Variants in NEDD4L observed in about 807,000 individuals in gnomAD.
The protein encoded by NEDD4L is NEDD4 like E3 ubiquitin protein ligase.
Under a neutral mutation model 148.9 loss-of-function variants are expected in NEDD4L, and 54 were observed. That is an observed-to-expected ratio of 0.36 (90% CI 0.29 to 0.45). The LOEUF (loss-of-function observed/expected upper bound fraction) is 0.45. NEDD4L is among the 20% of genes least tolerant of loss of function. The probability of loss-of-function intolerance (pLI) is 1.00; values close to 1 mark genes in which losing one functional copy is unlikely to be tolerated. For synonymous variants in NEDD4L, 433 were observed against 440.7 expected (o/e 0.98, Z 0.22); for missense variants, 856 against 1,233.8 (o/e 0.69, Z 4.59).
At chr18:58,378,972 A>G (rs2047958410) in intron 24 of NEDD4L, among the ~76,000 whole-genome samples, 1 of 152,174 alleles carries the variant, frequency 6.6e-6, no homozygotes, top group African/African-American at 2.4e-5. Flanking sequence ...AGTAGACTTA[A>G]AGAGGAATTT....
intron 5 of NEDD4L, among the ~76,000 whole-genome samples, chr18:58,291,244 G>A (rs1285275353): frequency 5.3e-5 from 8 of 152,028 alleles, no homozygotes; most frequent in Admixed American, 5.2e-4. Context: ...ACAGAAAACC[G>A]GGCTGACTGA....
At chr18:58,143,812 G>C (rs527759064) in intron 1 of NEDD4L, among the ~76,000 whole-genome samples, 2 of 152,278 alleles carry the variant, frequency 1.3e-5, no homozygotes, top group African/African-American at 4.8e-5. Flanking sequence ...GAGAGGGACC[G>C]AGGGCCAGCA....
chr18:58,344,093 G>A (rs1365157381), intron 16 of NEDD4L, among the ~76,000 whole-genome samples: 2 of 152,154 alleles, frequency 1.3e-5, no homozygotes, highest in Non-Finnish European at 2.9e-5. Flanking sequence ...ATTGTTATTG[G>A]CCCTAGCTCT....
chr18:58,298,510 T>C (rs2056006301), intron 5 of NEDD4L, among the ~76,000 whole-genome samples: 1 of 152,242 alleles, frequency 6.6e-6, no homozygotes, highest in Admixed American at 6.5e-5. Context: ...TGACTAATAA[T>C]GGTTTCTGCC....
rs571669362 is a variant in NEDD4L, at chr18:58,245,322, A to G, written c.123-105A>G. ...TTATTGCTTAGTTTGTGGAAATAAT[A>G]CAAGCTGAGACTTTAACTGATATTT... On this transcript the variant is annotated intron_variant, in intron 2 of 30. Coordinates refer to ENST00000400345, the MANE Select transcript of NEDD4L (RefSeq NM_001144967.3). 8.5e-6 allele frequency: 5 copies of G among 588,828 alleles called. No homozygotes were observed. In the East Asian group the frequency reaches 1.5e-4, roughly 17 times the overall value. 36.5% of individuals were successfully genotyped at this position (588,828 alleles called of 1,614,324 possible).
chr18:58,059,669 T>A (rs1300418459), intron 1 of NEDD4L, among the ~76,000 whole-genome samples: 1 of 152,208 alleles, frequency 6.6e-6, no homozygotes, highest in Non-Finnish European at 1.5e-5. Context: ...TAGGTGTTGA[T>A]GTAAATGTGC....
At chr18:58,341,906 G>A in intron 15 of NEDD4L, 109 bp downstream of exon 15, 1 of 1,301,146 alleles carries the variant, frequency 7.7e-7, no homozygotes, top group Non-Finnish European at 1.1e-6. Context: ...TCTCTGATCA[G>A]TCGTTGTGTT....
intron 1 of NEDD4L, among the ~76,000 whole-genome samples, chr18:58,158,037 C>T (rs2035733651): frequency 6.6e-6 from 1 of 152,232 alleles, no homozygotes; most frequent in Admixed American, 6.5e-5. Flanking sequence ...TGCCTTTCCA[C>T]AGTGACTGGT....
chr18:58,157,907 T>C (rs1387705781), intron 1 of NEDD4L, among the ~76,000 whole-genome samples: 2 of 152,256 alleles, frequency 1.3e-5, no homozygotes, highest in Non-Finnish European at 2.9e-5. Flanking sequence ...GTTAGTTATC[T>C]ATTGCTACAT....
chr18:58,122,658 T>C (rs978104068), intron 1 of NEDD4L, among the ~76,000 whole-genome samples: 5 of 152,246 alleles, frequency 3.3e-5, no homozygotes, highest in African/African-American at 1.2e-4. Context: ...CTGCTATACC[T>C]GGCTGATTTA....
In NEDD4L at chr18:58,366,517, T is replaced by A; in HGVS notation, c.2063+289T>A. The stretch of plus-strand genomic sequence containing the variant: ...GATAAGGAACAGGAGGCGATTTTCA[T>A]TTGCAGTGTTCAAGAGGAGGACTTG... On this transcript the variant is annotated intron_variant, in intron 21 of 30. Coordinates refer to ENST00000400345, the MANE Select transcript of NEDD4L (RefSeq NM_001144967.3). The surrounding 1 kb of genome is among the most constrained non-coding windows in gnomAD (Gnocchi z 4.2). 1 of 284,772 alleles carries A rather than the reference T, an allele frequency of 3.5e-6. No homozygotes were observed. Among genetic ancestry groups the A allele is most frequent in the Non-Finnish European group, 6.5e-6 (1 of 153,210 alleles). The allele number at this position is 284,772 out of a possible 1,614,324, so 17.6% of individuals were successfully genotyped here. A position where few individuals can be genotyped will look rare whatever the true frequency, so the allele number is the denominator to read the frequency against.
intron 1 of NEDD4L, among the ~76,000 whole-genome samples, chr18:58,139,529 G>A (rs1015070494): frequency 2.0e-5 from 3 of 152,050 alleles, no homozygotes; most frequent in East Asian, 1.9e-4. Flanking sequence ...AAAATAATGC[G>A]TGTTTGTTAA....
At chr18:58,048,179 C>T (rs978860343) in intron 1 of NEDD4L, among the ~76,000 whole-genome samples, 1 of 152,174 alleles carries the variant, frequency 6.6e-6, no homozygotes, top group Non-Finnish European at 1.5e-5. Flanking sequence ...CAATCAGTGG[C>T]TTGCATTATG....
intron 18 of NEDD4L, among the ~76,000 whole-genome samples, chr18:58,353,288 A>G (rs541500568): frequency 8.5e-5 from 13 of 152,300 alleles, no homozygotes; most frequent in African/African-American, 3.1e-4. Flanking sequence ...ATTTCACTTG[A>G]CTAGAGCAGC....
intron 1 of NEDD4L, among the ~76,000 whole-genome samples, chr18:58,114,593 G>C (rs943372537): frequency 2.0e-5 from 3 of 152,240 alleles, no homozygotes; most frequent in Admixed American, 2.0e-4. Flanking sequence ...AGCATCCCAG[G>C]TGGGGTTCCT....
At position 58,044,554 on chromosome 18, in the gene NEDD4L, G is replaced by A; in HGVS notation, c.-107G>A. The A allele has an allele frequency of 7.5e-7, 1 of 1,331,216 alleles. No homozygotes were observed. The highest frequency in any genetic ancestry group is 9.7e-7 in the Non-Finnish European group (1 of 1,033,568). 82.5% of individuals were successfully genotyped at this position (1,331,216 alleles called of 1,614,324 possible). On this transcript the variant is annotated 5_prime_UTR_variant, in exon 1 of 31. Coordinates refer to ENST00000400345, the MANE Select transcript of NEDD4L (RefSeq NM_001144967.3). ...GCTTACCCGGCAGGGCGTGCGCAGG[G>A]TAGGGTGCGGGACCGGGGGGACCTG...
chr18:58,329,254 G>A (rs1325006229), intron 10 of NEDD4L, 127 bp downstream of exon 10: 2 of 1,087,504 alleles, frequency 1.8e-6, no homozygotes, highest in South Asian at 1.7e-5. Context: ...CAGTGACGCA[G>A]GGAATTAATT....
At chr18:58,385,205 T>C (rs1296278375) in intron 25 of NEDD4L, among the ~76,000 whole-genome samples, 2 of 152,336 alleles carry the variant, frequency 1.3e-5, no homozygotes, top group African/African-American at 4.8e-5. Flanking sequence ...CTTTTCTCCA[T>C]GTTGTCACAT....
chr18:58,198,435 C>G (rs1036613665), intron 2 of NEDD4L, among the ~76,000 whole-genome samples: 1 of 152,122 alleles, frequency 6.6e-6, no homozygotes, highest in Non-Finnish European at 1.5e-5. Context: ...ATCTTTTCTA[C>G]TCCCTGGCCC....
Sources: allele counts gnomAD v4.1 joint callset (sites outside exome capture counted in the v4.1 genomes callset), GRCh38; gene constraint gnomAD v4.1.1; non-coding constraint Gnocchi (gnomAD v3.1); transcripts MANE v1.5; gene names NCBI Gene and HGNC (gene_info 2026-07-23, HGNC 2026-07-21).